Variants in ETFB observed in about 807,000 individuals in gnomAD.
ETFB encodes beta-ETF.
ETFB carries 20 observed loss-of-function variants against 25.6 expected under a neutral mutation model. The observed-to-expected ratio is 0.78, with a 90% confidence interval of 0.55 to 1.14. The LOEUF (loss-of-function observed/expected upper bound fraction) is 1.14. Among genes scored for constraint, ETFB ranks in the 50% most tolerant of loss-of-function variants. ETFB has a pLI of 0.00. For missense variants in ETFB, 286 were observed against 342.6 expected (o/e 0.83, Z 1.30); for synonymous variants, 142 against 146.7 (o/e 0.97, Z 0.23).
chr19:51,360,232 T>C (rs1986188015), intron 1 of ETFB, among the ~76,000 whole-genome samples: 1 of 151,846 alleles, frequency 6.6e-6, no homozygotes, highest in Non-Finnish European at 1.5e-5. Context: ...TAAAACCCCA[T>C]CTCTACTAAA....
intron 3 of ETFB, 75 bp downstream of exon 3, chr19:51,353,057 T>G: frequency 6.3e-7 from 1 of 1,589,146 alleles, no homozygotes; most frequent in Non-Finnish European, 8.6e-7. Flanking sequence ...AGCTGCTGTC[T>G]CACCCCGTAT....
At position 51,354,481 on chromosome 19, in the gene ETFB, A is replaced by C. The variant is rs774338112; in HGVS notation, c.58-173T>G. 9 of 1,614,184 alleles carry C rather than the reference A, an allele frequency of 5.6e-6. No homozygotes were observed. In the South Asian group the frequency reaches 9.9e-5, roughly 18 times the overall value. ...CAGAACTGGGTTAGAGTTTGTAGGC[A>C]GGGGCAGGTCACCCTGTCTCCTTCT... On this transcript the variant is annotated intron_variant, in intron 1 of 5. Transcript: ENST00000309244.
chr19:51,357,715 T>G (rs1023089744), intron 1 of ETFB, among the ~76,000 whole-genome samples: 1 of 152,094 alleles, frequency 6.6e-6, no homozygotes, highest in African/African-American at 2.4e-5. Context: ...GGTCTCGAAC[T>G]CCCGATCTCT....
At chr19:51,352,183 GC>G (rs1985947316) in intron 3 of ETFB, among the ~76,000 whole-genome samples, 1 of 152,004 alleles carries the variant, frequency 6.6e-6, no homozygotes, top group Non-Finnish European at 1.5e-5. Context: ...CTAACTCCTG[GC>G]CTCCAATTTC....
chr19:51,353,748 GGGT>G (rs1222531057), intron 2 of ETFB, among the ~76,000 whole-genome samples: 2,380 of 119,516 alleles, frequency 0.02, 620 homozygotes, highest in Non-Finnish European at 0.025. Flanking sequence ...TCAGACCCAG[GGGT>G]CCAGACTTCC....
intron 1 of ETFB, among the ~76,000 whole-genome samples, chr19:51,358,238 C>A (rs371600038): frequency 2.6e-5 from 4 of 152,272 alleles, no homozygotes; most frequent in African/African-American, 9.6e-5. Context: ...CTTGCTATTT[C>A]CCTGCCCCTT....
intron 3 of ETFB, among the ~76,000 whole-genome samples, 200 bp downstream of exon 3, chr19:51,352,932 A>G (rs916492457): frequency 6.6e-6 from 1 of 152,154 alleles, no homozygotes; most frequent in African/African-American, 2.4e-5. Flanking sequence ...CTGGCCCAAG[A>G]GGATCTTTCT....
chr19:51,363,498 G>C (rs1568470908), intron 1 of ETFB, among the ~76,000 whole-genome samples: 2 of 152,040 alleles, frequency 1.3e-5, no homozygotes, highest in African/African-American at 4.8e-5. Flanking sequence ...ACCCAGGCTG[G>C]AGTACAGGGA....
intron 1 of ETFB, chr19:51,354,843 G>A (rs1290809322): frequency 1.7e-6 from 1 of 574,220 alleles, no homozygotes; most frequent in African/African-American, 1.9e-5. Flanking sequence ...TTTGTTCTTT[G>A]CGTGACTGAC....
chr19:51,350,858 C>T (rs1474083823), intron 3 of ETFB, among the ~76,000 whole-genome samples: 3 of 152,304 alleles, frequency 2.0e-5, no homozygotes, highest in East Asian at 1.9e-4. Flanking sequence ...GGTGACTCAG[C>T]GCTGCTGTTG....
chr19:51,354,432 TC>T (rs1568468263), intron 1 of ETFB, 124 bp from the exon 2 acceptor site: 1 of 1,614,030 alleles, frequency 6.2e-7, no homozygotes. Context: ...CAGGGCCTTG[TC>T]CGGGGTCACA....
At chr19:51,345,577 G>C in intron 5 of ETFB, 196 bp from the exon 6 acceptor site, 1 of 629,204 alleles carries the variant, frequency 1.6e-6, no homozygotes, top group Admixed American at 2.5e-5. Flanking sequence ...AGGAGGCCCT[G>C]GGAGGCCCAA....
At chr19:51,355,040 G>T in intron 1 of ETFB, 1 of 207,680 alleles carries the variant, frequency 4.8e-6, no homozygotes, top group South Asian at 8.2e-5. Context: ...TATGCAGATA[G>T]CTTTACAGAT....
chr19:51,354,076 AC>A (rs1293122567), intron 2 of ETFB, 73 bp downstream of exon 2: 1 of 1,511,686 alleles, frequency 6.6e-7, no homozygotes, highest in Non-Finnish European at 9.0e-7. Context: ...CCTCCCTCAG[AC>A]CCAGGAGTCC....
Position 51,354,135 on chromosome 19 carries a change from C to G in ETFB, c.216+15G>C. 6.2e-7 allele frequency: 1 copy of G among 1,613,014 alleles called. No homozygotes were observed. Among genetic ancestry groups the G allele is most frequent in the African/African-American group, 1.3e-5 (1 of 74,992 alleles). On this transcript the variant is annotated intron_variant, in intron 2 of 5. Coordinates refer to ENST00000309244, the MANE Select transcript of ETFB (RefSeq NM_001985.3). ...AGACCCAGGAGTCCAGCCCCCTCCC[C>G]AAGACCTTCATCACCTGGCACTGTG...
chr19:51,352,690 C>T (rs1048853512), intron 3 of ETFB, among the ~76,000 whole-genome samples: 63 of 152,068 alleles, frequency 4.1e-4, no homozygotes, highest in African/African-American at 1.4e-3. Context: ...TGCAGTGGTG[C>T]GATCTTGTAT....
chr19:51,359,013 A>T (rs1205348045), intron 1 of ETFB, among the ~76,000 whole-genome samples: 1 of 152,072 alleles, frequency 6.6e-6, no homozygotes, highest in East Asian at 1.9e-4. Flanking sequence ...AGAAAAAGAA[A>T]AAGAAAAAGG....
chr19:51,354,763 T>A, intron 1 of ETFB: 2 of 1,126,480 alleles, frequency 1.8e-6, no homozygotes, highest in South Asian at 1.4e-5. Context: ...GCAGCCTGCC[T>A]GAAAAATCAC....
chr19:51,345,489 C>G, intron 5 of ETFB, 108 bp from the exon 6 acceptor site: 2 of 1,110,638 alleles, frequency 1.8e-6, no homozygotes, highest in South Asian at 2.6e-5. Flanking sequence ...TGGGCTGAAC[C>G]CTCTGGACCC....
Sources: gnomAD v4.1 joint callset for allele counts (sites outside exome capture counted in the v4.1 genomes callset) on GRCh38, gnomAD v4.1.1 for gene constraint, MANE v1.5 for transcripts, NCBI Gene and HGNC (gene_info 2026-07-23, HGNC 2026-07-21) for gene names.